The following NRXN1 variants were observed in gnomAD, a reference collection of about 807,000 sequenced individuals.
NRXN1 encodes the protein neurexin 1, also known as neurexin-1.
A neutral mutation model predicts 150.9 loss-of-function variants in NRXN1; 39 were observed. The ratio of observed to expected loss-of-function variants is 0.26; its 90% CI spans 0.20 to 0.34. The LOEUF (loss-of-function observed/expected upper bound fraction) is 0.34, where lower values mean the gene tolerates loss of function less well. Ranked by LOEUF, NRXN1 falls within the 10% of genes least tolerant of loss-of-function variation. The probability of loss-of-function intolerance (pLI) is 1.00; values close to 1 mark genes in which losing one functional copy is unlikely to be tolerated. For missense variants in NRXN1, 1,815 were observed against 1,949.9 expected (o/e 0.93, Z 1.30); for synonymous variants, 924 against 757.0 (o/e 1.22, Z -3.62).
intron 5 of NRXN1, among the ~76,000 whole-genome samples, chr2:50,704,724 T>A (rs1694200791): frequency 3.3e-5 from 5 of 151,796 alleles, no homozygotes; most frequent in Admixed American, 3.3e-4. Flanking sequence ...CTTGATCTCA[T>A]TACTTATGAT....
At chr2:50,247,664 C>T (rs1276030267) in intron 17 of NRXN1, among the ~76,000 whole-genome samples, 2 of 151,980 alleles carry the variant, frequency 1.3e-5, no homozygotes, top group Admixed American at 1.3e-4. Flanking sequence ...GAGTCGAGGG[C>T]AGGAAACAGA....
chr2:50,506,836 T>C, intron 12 of NRXN1: 11 of 527,862 alleles, frequency 2.1e-5, no homozygotes, highest in Non-Finnish European at 3.4e-5. Context: ...GCAAGGAAAA[T>C]GACAACTTTT....
chr2:50,348,820 C>T (rs1350022055), intron 17 of NRXN1, among the ~76,000 whole-genome samples: 1 of 151,348 alleles, frequency 6.6e-6, no homozygotes, highest in Non-Finnish European at 1.5e-5. Context: ...AAAACTATGA[C>T]ATGTCCAGTG....
At chr2:50,987,864 A>G (rs933706642) in intron 2 of NRXN1, among the ~76,000 whole-genome samples, 1 of 151,958 alleles carries the variant, frequency 6.6e-6, no homozygotes, top group African/African-American at 2.4e-5. Flanking sequence ...GCAGCTGCAG[A>G]AAAGGAACAC....
chr2:50,330,512 C>T (rs937617222), intron 17 of NRXN1, among the ~76,000 whole-genome samples: 3 of 152,052 alleles, frequency 2.0e-5, no homozygotes, highest in Non-Finnish European at 4.4e-5. Flanking sequence ...AATGTCCTTC[C>T]TCCCAATACC....
intron 5 of NRXN1, among the ~76,000 whole-genome samples, chr2:50,725,874 T>A (rs898948718): frequency 2.0e-5 from 3 of 152,144 alleles, no homozygotes; most frequent in African/African-American, 7.2e-5. Flanking sequence ...TTTGTAAAAA[T>A]AAACTTTGAA....
chr2:49,974,069 G>A (rs1202160406), intron 21 of NRXN1: 11 of 717,190 alleles, frequency 1.5e-5, no homozygotes, highest in Non-Finnish European at 2.9e-5. Context: ...AGGAAATTTA[G>A]TCCATCCTCT....
At position 50,852,800 on chromosome 2, in the gene NRXN1, GT is replaced by G. The variant is rs375513834; in HGVS notation, c.832+69068del. ...CAGTAGCATATTTCAGAAATAGAAA[GT>G]ATTCATTTAAGAAAATGTTCATCTG... is the stretch of plus-strand genomic sequence containing the variant. On this transcript the variant is annotated intron_variant, in intron 5 of 22. Transcript: ENST00000401669. Among the ~76,000 whole-genome samples, 10 of 152,202 alleles carry G rather than the reference GT, an allele frequency of 6.6e-5. No individual in the cohort carries two copies. In the Middle Eastern group the frequency reaches 0.014, roughly 207 times the overall value.
At chr2:50,072,418 A>T (rs1226689658) in intron 19 of NRXN1, among the ~76,000 whole-genome samples, 2 of 152,050 alleles carry the variant, frequency 1.3e-5, no homozygotes, top group Admixed American at 6.5e-5. Context: ...CTACTGTGAG[A>T]TCCCAAAAGA....
intron 12 of NRXN1, among the ~76,000 whole-genome samples, chr2:50,522,792 C>T (rs1384132499): frequency 5.6e-5 from 7 of 124,814 alleles, no homozygotes; most frequent in Admixed American, 1.0e-4. Flanking sequence ...AGTGCAATGG[C>T]GCAACCTTGG....
chr2:50,117,088 T>C (rs961827891), intron 18 of NRXN1, among the ~76,000 whole-genome samples: 3 of 152,088 alleles, frequency 2.0e-5, no homozygotes, highest in African/African-American at 7.2e-5. Flanking sequence ...AAGGGAGAAG[T>C]AGATATTTTC....
intron 17 of NRXN1, among the ~76,000 whole-genome samples, chr2:50,376,704 T>C (rs894822519): frequency 2.0e-5 from 3 of 152,172 alleles, no homozygotes; most frequent in African/African-American, 4.8e-5. Context: ...CTGTGGCGGA[T>C]GACTGATCAT....
chr2:50,626,486 C>T (rs1159233427), intron 5 of NRXN1, among the ~76,000 whole-genome samples: 1 of 151,820 alleles, frequency 6.6e-6, no homozygotes, highest in African/African-American at 2.4e-5. Context: ...TATATGAAAA[C>T]AATTTACACT....
At chr2:50,171,031 G>T (rs2059999230) in intron 18 of NRXN1, among the ~76,000 whole-genome samples, 1 of 152,102 alleles carries the variant, frequency 6.6e-6, no homozygotes, top group South Asian at 2.1e-4. Context: ...ATGTTATTTA[G>T]AAAATCATAA....
At chr2:50,655,598 T>G (rs1460914851) in intron 5 of NRXN1, among the ~76,000 whole-genome samples, 1 of 151,968 alleles carries the variant, frequency 6.6e-6, no homozygotes, top group African/African-American at 2.4e-5. Context: ...TCTGGCATTT[T>G]GGTAGGAACA....
At chr2:50,584,666 G>C (rs915299301) in intron 8 of NRXN1, among the ~76,000 whole-genome samples, 1 of 152,110 alleles carries the variant, frequency 6.6e-6, no homozygotes, top group African/African-American at 2.4e-5. Context: ...TAGTTTAAGG[G>C]TTCTGTTACC....
At chr2:50,859,144 C>G (rs1368273352) in intron 5 of NRXN1, among the ~76,000 whole-genome samples, 1 of 151,158 alleles carries the variant, frequency 6.6e-6, no homozygotes, top group Non-Finnish European at 1.5e-5. Flanking sequence ...ATTTTTTTTT[C>G]CTTTATTTTT....
intron 2 of NRXN1, among the ~76,000 whole-genome samples, chr2:51,004,007 G>C (rs2105118132): frequency 6.6e-6 from 1 of 151,664 alleles, no homozygotes; most frequent in African/African-American, 2.4e-5. Context: ...CTTTATCCTG[G>C]ATGTACCCTC....
intron 17 of NRXN1, among the ~76,000 whole-genome samples, chr2:50,290,666 G>T (rs1043582841): frequency 3.3e-5 from 5 of 152,192 alleles, no homozygotes; most frequent in Non-Finnish European, 7.4e-5. Context: ...CAGCAGAGAG[G>T]ACTGGAGGGG....
Sources: allele counts gnomAD v4.1 joint callset (sites outside exome capture counted in the v4.1 genomes callset), GRCh38; gene constraint gnomAD v4.1.1; transcripts MANE v1.5; gene names NCBI Gene and HGNC (gene_info 2026-07-23, HGNC 2026-07-21).